OR1F1: variants seen among roughly 807,000 people sequenced by gnomAD.
OR1F1 encodes olfactory receptor family 1 subfamily F member 1.
For synonymous variants in OR1F1, 184 were observed against 156.7 expected, an observed-to-expected ratio of 1.17 and a Z score of -1.30; for missense variants, 493 against 376.3, an observed-to-expected ratio of 1.31 and a Z score of -2.57.
chr16:3,194,140 A>C, the OR1F1 span, among the ~76,000 whole-genome samples: 1 of 152,206 alleles, frequency 6.6e-6, no homozygotes, highest in East Asian at 1.9e-4. Context: ...CAAGACACAC[A>C]ATCTCCTCTC....
upstream of OR1F1, among the ~76,000 whole-genome samples, chr16:3,199,462 G>A (rs1958111646): frequency 6.6e-6 from 1 of 152,062 alleles, no homozygotes; most frequent in Non-Finnish European, 1.5e-5. Flanking sequence ...AGACCAGCCT[G>A]GGCAACATAA....
chr16:3,203,536 C>G (rs886952979), upstream of OR1F1, among the ~76,000 whole-genome samples: 10 of 152,290 alleles, frequency 6.6e-5, no homozygotes, highest in African/African-American at 2.4e-4. Context: ...GAGGCCAAGG[C>G]GGGCGGATCA....
chr16:3,191,562 C>T, the OR1F1 span, among the ~76,000 whole-genome samples: 1 of 152,004 alleles, frequency 6.6e-6, no homozygotes, highest in Admixed American at 6.6e-5. Flanking sequence ...GGTTCGAGCC[C>T]CACGTTGGGC....
chr16:3,204,708 G>A (rs1307228319), exon 1 of OR1F1: 10 of 1,614,082 alleles, frequency 6.2e-6, no homozygotes, highest in Non-Finnish European at 8.5e-6. Flanking sequence ...TTGCCAACCT[G>A]AATGTCCTTC....
downstream of OR1F1, chr16:3,205,333 T>G (rs1958193418): frequency 3.2e-6 from 2 of 629,278 alleles, no homozygotes; most frequent in Non-Finnish European, 5.3e-6. Context: ...TAATTTTTTT[T>G]GAGACAGGGT....
At chr16:3,199,843 C>T (rs572984107), upstream of OR1F1, among the ~76,000 whole-genome samples, 1 of 151,876 alleles carries the variant, frequency 6.6e-6, no homozygotes, top group Non-Finnish European at 1.5e-5. Context: ...TGGAGAAACC[C>T]CGTCTCTACT....
At chr16:3,199,810 G>A (rs1482821882), upstream of OR1F1, among the ~76,000 whole-genome samples, 1 of 151,986 alleles carries the variant, frequency 6.6e-6, no homozygotes, top group Non-Finnish European at 1.5e-5. Context: ...GAGGTCAGGA[G>A]TTTGAGACCA....
the OR1F1 span, among the ~76,000 whole-genome samples, chr16:3,197,386 A>G: frequency 6.6e-6 from 1 of 152,150 alleles, no homozygotes; most frequent in African/African-American, 2.4e-5. Context: ...CAATATATAC[A>G]TTATCAATGA....
At chr16:3,193,001 A>C in the OR1F1 span, among the ~76,000 whole-genome samples, 1 of 152,046 alleles carries the variant, frequency 6.6e-6, no homozygotes, top group East Asian at 1.9e-4. Context: ...CAGTGGAGCG[A>C]TCTCGGCTCA....
the OR1F1 span, among the ~76,000 whole-genome samples, chr16:3,196,306 G>T: frequency 6.6e-6 from 1 of 152,208 alleles, no homozygotes; most frequent in East Asian, 1.9e-4. Context: ...CCCAGTGAAA[G>T]TTTTTGGATG....
chr16:3,206,543 G>A (rs574740398), downstream of OR1F1, among the ~76,000 whole-genome samples: 1 of 152,138 alleles, frequency 6.6e-6, no homozygotes, highest in Non-Finnish European at 1.5e-5. Flanking sequence ...ACCCCCAGAG[G>A]CCTAGCTGTA....
At chr16:3,193,180 C>T in the OR1F1 span, among the ~76,000 whole-genome samples, 2 of 152,184 alleles carry the variant, frequency 1.3e-5, no homozygotes, top group African/African-American at 2.4e-5. Context: ...ACCGCCTTGG[C>T]CTCCCAAAGT....
chr16:3,205,124 G>A (rs745409100), exon 1 of OR1F1: 6 of 1,613,804 alleles, frequency 3.7e-6, no homozygotes, highest in South Asian at 1.1e-5. Flanking sequence ...TACAGCCTGA[G>A]GAACAGGTAC....
At chr16:3,203,405 G>C (rs534577655), upstream of OR1F1, among the ~76,000 whole-genome samples, 1 of 152,282 alleles carries the variant, frequency 6.6e-6, no homozygotes, top group African/African-American at 2.4e-5. Context: ...CTCTGGCCAG[G>C]TCTGAAAAAG....
At chr16:3,196,169 C>T in the OR1F1 span, among the ~76,000 whole-genome samples, 2 of 152,182 alleles carry the variant, frequency 1.3e-5, no homozygotes, top group East Asian at 1.9e-4. Flanking sequence ...CTAGCTCAGC[C>T]GGTAGAGCAC....
the OR1F1 span, among the ~76,000 whole-genome samples, chr16:3,196,121 C>T: frequency 6.6e-6 from 1 of 152,230 alleles, no homozygotes; most frequent in Non-Finnish European, 1.5e-5. Context: ...GTGGTGAGCA[C>T]ACACTCCATT....
At chr16:3,202,702 T>C (rs1436005958), upstream of OR1F1, among the ~76,000 whole-genome samples, 1 of 137,308 alleles carries the variant, frequency 7.3e-6, no homozygotes, top group Non-Finnish European at 1.5e-5. Flanking sequence ...ATAATAATAA[T>C]AATAACAATT....
chr16:3,193,316 C>T, the OR1F1 span, among the ~76,000 whole-genome samples: 2 of 152,230 alleles, frequency 1.3e-5, no homozygotes, highest in East Asian at 3.8e-4. Context: ...CGTCAAGGCT[C>T]AGCGCTTCAC....
chr16:3,204,977 AC>A lies in OR1F1; in HGVS notation c.733del (p.Leu245TrpfsTer36). 6.2e-7 allele frequency: 1 copy of A among 1,613,880 alleles called. No individual in the cohort carries two copies. The highest frequency in any genetic ancestry group is 8.5e-7 in the Non-Finnish European group (1 of 1,179,962). Reference sequence around the variant, plus strand: ...AAAGCCTTCTCCACCTGTGGTTCTCACCTGGCTGTGGTTCTCCTCTTCTACA... The same window carrying A: ...AAAGCCTTCTCCACCTGTGGTTCTCACTGGCTGTGGTTCTCCTCTTCTACA... On this transcript the variant is annotated frameshift_variant, in exon 1 of 1. Transcript: ENST00000304646. LOFTEE classifies it low-confidence loss of function (END_TRUNC).
Sources: gnomAD v4.1 joint callset for allele counts (sites outside exome capture counted in the v4.1 genomes callset) on GRCh38, gnomAD v4.1.1 for gene constraint, MANE v1.5 for transcripts, NCBI Gene and HGNC (gene_info 2026-07-23, HGNC 2026-07-21) for gene names.